Variants in KCNIP4 observed in about 807,000 individuals in gnomAD.
KCNIP4 encodes the protein Kv channel-interacting protein 4.
Under a neutral mutation model 34.0 loss-of-function variants are expected in KCNIP4, and 12 were observed. That is an observed-to-expected ratio of 0.35 (90% confidence interval 0.23 to 0.57). The LOEUF (loss-of-function observed/expected upper bound fraction) is 0.57. KCNIP4 is among the 20% of genes least tolerant of loss of function. KCNIP4 has a pLI of 0.83. For missense variants in KCNIP4, 238 were observed against 311.7 expected (o/e 0.76, Z 1.78); for synonymous variants, 124 against 102.2 (o/e 1.21, Z -1.29).
chr4:21,112,050 T>TATCTATCTATCC lies in KCNIP4; in HGVS notation c.62-229342_62-229341insGGATAGATAGAT, dbSNP rs1553940045. Among the ~76,000 whole-genome samples, 1,161 of 151,868 alleles carry TATCTATCTATCC rather than the reference T, an allele frequency of 7.6e-3. 20 individuals carry two copies. In the East Asian group the frequency reaches 0.079, roughly 10 times the overall value. On this transcript the variant is annotated intron_variant, in intron 1 of 8. Coordinates refer to ENST00000382152, the MANE Select transcript of KCNIP4 (RefSeq NM_025221.6). ...GTATCTATCTATCTATCTATCTATCTATCTATCTATCTATCTATCTATCAT... is the reference window on the plus strand; with the variant it reads ...GTATCTATCTATCTATCTATCTATCTATCTATCTATCCATCTATCTATCTATCTATCTATCAT...
At chr4:20,856,994 G>A (rs182108918) in intron 2 of KCNIP4, among the ~76,000 whole-genome samples, 7 of 150,940 alleles carry the variant, frequency 4.6e-5, no homozygotes, top group African/African-American at 1.7e-4. Context: ...CAGGGCTGGA[G>A]GATCAGTATA....
At chr4:21,692,596 A>T (rs1711775184) in intron 1 of KCNIP4, among the ~76,000 whole-genome samples, 1 of 152,226 alleles carries the variant, frequency 6.6e-6, no homozygotes, top group South Asian at 2.1e-4. Flanking sequence ...AAAAGAAAAC[A>T]GTGTAACATG....
intron 1 of KCNIP4, among the ~76,000 whole-genome samples, chr4:20,964,466 C>A (rs1734145895): frequency 6.6e-6 from 1 of 152,156 alleles, no homozygotes; most frequent in Non-Finnish European, 1.5e-5. Flanking sequence ...ATTACTGTGG[C>A]AACATTCAAA....
chr4:21,887,557 A>T (rs1462742736), intron 1 of KCNIP4, among the ~76,000 whole-genome samples: 1 of 152,126 alleles, frequency 6.6e-6, no homozygotes, highest in Admixed American at 6.6e-5. Flanking sequence ...GAGATTTTGA[A>T]TGATGAATTT....
At chr4:20,911,104 T>C (rs1029682240) in intron 1 of KCNIP4, among the ~76,000 whole-genome samples, 2 of 152,056 alleles carry the variant, frequency 1.3e-5, no homozygotes, top group African/African-American at 4.8e-5. Flanking sequence ...GTGAAACAAA[T>C]CTAGTTTGTT....
intron 1 of KCNIP4, among the ~76,000 whole-genome samples, chr4:20,987,763 G>C: frequency 6.6e-6 from 1 of 151,842 alleles, no homozygotes; most frequent in Non-Finnish European, 1.5e-5. Flanking sequence ...ATTTTGGGAG[G>C]CCGAGGCAGG....
At chr4:20,975,476 C>A (rs1425208458) in intron 1 of KCNIP4, among the ~76,000 whole-genome samples, 2 of 152,094 alleles carry the variant, frequency 1.3e-5, no homozygotes, top group African/African-American at 4.8e-5. Context: ...CAATACCAGG[C>A]AGATGGCTTA....
At position 21,350,027 on chromosome 4, in the gene KCNIP4, T is replaced by C. The variant is rs144550967; in HGVS notation, c.62-467318A>G. Among the ~76,000 whole-genome samples the C allele has an allele frequency of 5.5e-3, 838 of 152,252 alleles. 6 individuals carry two copies. Among genetic ancestry groups the C allele is most frequent in the Non-Finnish European group, 8.8e-3 (600 of 67,996 alleles). ...CTGCCTTTAACTCTACCTCCTTCTT[T>C]CTCTCAATAACATGTACCTAAATGA... On this transcript the variant is annotated intron_variant, in intron 1 of 8. Transcript: ENST00000382152.
chr4:21,290,998 G>T (rs1053576571), intron 1 of KCNIP4, among the ~76,000 whole-genome samples: 2 of 152,196 alleles, frequency 1.3e-5, no homozygotes. Context: ...TAGAGGCTCA[G>T]AAAAGTTAAA....
At chr4:21,167,093 A>C (rs1041792102) in intron 1 of KCNIP4, among the ~76,000 whole-genome samples, 8 of 152,132 alleles carry the variant, frequency 5.3e-5, no homozygotes, top group African/African-American at 1.9e-4. Flanking sequence ...TATATATAAG[A>C]AGCCAGATAA....
chr4:20,952,038 T>G (rs1732841189), intron 1 of KCNIP4, among the ~76,000 whole-genome samples: 1 of 152,156 alleles, frequency 6.6e-6, no homozygotes, highest in Non-Finnish European at 1.5e-5. Flanking sequence ...GCAGTAAATA[T>G]AAGTGAAATA....
chr4:21,126,525 C>G (rs1252374720), intron 1 of KCNIP4, among the ~76,000 whole-genome samples: 3 of 149,972 alleles, frequency 2.0e-5, no homozygotes, highest in Admixed American at 6.7e-5. Flanking sequence ...GTGTATCTGA[C>G]TCTAACTCCC....
In KCNIP4 at chr4:21,600,856, C is replaced by G. The variant is rs76664038; in HGVS notation, c.61+347715G>C. 5.3e-3 allele frequency among the ~76,000 whole-genome samples: 812 copies of G among 152,104 alleles called. 24 individuals carry two copies. The East Asian group carries it at 0.086, about 16-fold the overall frequency. On this transcript the variant is annotated intron_variant, in intron 1 of 8. Coordinates refer to ENST00000382152, the MANE Select transcript of KCNIP4 (RefSeq NM_025221.6). ...ACATCTATAAAATTGGATTTCCAGC[C>G]TTGCCTTATCTATCCTTGCTCAGGT...
chr4:20,866,814 A>T (rs1390361214), intron 2 of KCNIP4, among the ~76,000 whole-genome samples: 1 of 152,142 alleles, frequency 6.6e-6, no homozygotes, highest in Admixed American at 6.6e-5. Flanking sequence ...GTAAAGTTTC[A>T]GGATACAAAA....
intron 1 of KCNIP4, among the ~76,000 whole-genome samples, chr4:21,587,724 T>A (rs1741749441): frequency 6.6e-6 from 1 of 152,046 alleles, no homozygotes; most frequent in South Asian, 2.1e-4. Context: ...AGAGAACCAT[T>A]GTGTTTGCCA....
chr4:20,912,554 ACTT>A (rs1254597396), intron 1 of KCNIP4, among the ~76,000 whole-genome samples: 1 of 152,172 alleles, frequency 6.6e-6, no homozygotes, highest in African/African-American at 2.4e-5. Flanking sequence ...AAAATTTAAA[ACTT>A]CTGTGCTTCA....
chr4:20,942,505 C>T (rs554219465), intron 1 of KCNIP4, among the ~76,000 whole-genome samples: 49 of 152,204 alleles, frequency 3.2e-4, no homozygotes, highest in Non-Finnish European at 5.3e-4. Flanking sequence ...GTGGTTTGTG[C>T]GTATTATCTT....
chr4:21,035,399 A>T (rs1741365735), intron 1 of KCNIP4, among the ~76,000 whole-genome samples: 1 of 152,226 alleles, frequency 6.6e-6, no homozygotes, highest in South Asian at 2.1e-4. Context: ...CAACAATAAC[A>T]AGCAATTGTT....
intron 2 of KCNIP4, among the ~76,000 whole-genome samples, chr4:20,858,990 A>G (rs967692834): frequency 2.0e-5 from 3 of 152,220 alleles, no homozygotes; most frequent in Non-Finnish European, 4.4e-5. Context: ...CTACTTTAAG[A>G]GATGGCAACA....
Sources: allele counts gnomAD v4.1 joint callset (sites outside exome capture counted in the v4.1 genomes callset), GRCh38; gene constraint gnomAD v4.1.1; transcripts MANE v1.5; gene names NCBI Gene and HGNC (gene_info 2026-07-23, HGNC 2026-07-21).